Variants in PER3 observed in about 807,000 individuals in gnomAD.
PER3 encodes period circadian protein homolog 3.
In PER3, 107 loss-of-function variants were observed where a neutral mutation model predicts 127.2. That is an observed-to-expected ratio of 0.84 (90% CI 0.72 to 0.99). The LOEUF is 0.99. Among genes scored for constraint, PER3 ranks in the 50% least tolerant of loss-of-function variants. The pLI is 0.00. For missense variants in PER3, 1,560 were observed against 1,525.8 expected, an observed-to-expected ratio of 1.02 and a Z score of -0.37; for synonymous variants, 618 against 585.8, an observed-to-expected ratio of 1.05 and a Z score of -0.79.
At chr1:7,831,068 T>C (rs2097329440) in intron 19 of PER3, among the ~76,000 whole-genome samples, 1 of 152,248 alleles carries the variant, frequency 6.6e-6, no homozygotes. Flanking sequence ...TGAATAATTA[T>C]CTTCCTGATG....
intron 2 of PER3, 84 bp from the exon 3 acceptor site, chr1:7,785,357 A>T: frequency 1.8e-6 from 2 of 1,085,450 alleles, no homozygotes; most frequent in Non-Finnish European, 2.8e-6. Flanking sequence ...TTAGAAACTT[A>T]CCTGGCTTGC....
At chr1:7,815,991 CAAAAAAAAAAAAAA>C (rs34144861) in intron 13 of PER3, among the ~76,000 whole-genome samples, 1 of 67,680 alleles carries the variant, frequency 1.5e-5, no homozygotes, top group Non-Finnish European at 2.5e-5. Context: ...GACTCCGTCT[CAAAAAAAAAAAAAA>C]AAAAAAAAAA....
In PER3 at chr1:7,837,141, G is replaced by T; in HGVS notation, c.3541G>T (p.Asp1181Tyr). 1 of 1,613,052 alleles carries T rather than the reference G, an allele frequency of 6.2e-7. No homozygotes were observed. Among genetic ancestry groups the T allele is most frequent in the Non-Finnish European group, 8.5e-7 (1 of 1,179,604 alleles). Residue 1181 changes from aspartate to tyrosine, a missense_variant, in exon 21 of 22, where the codon GAC becomes TAC. Asp to Tyr is a radical substitution (Grantham distance 160, BLOSUM62 -3). Coordinates refer to ENST00000377532, the MANE Select transcript of PER3 (RefSeq NM_001377275.1). ...AAGCCAGACTGTCACTCAAGAAATC[G>T]ACATTCAAGTAAGCACAGTAATAAT... ...IQSQTVTQEI[D>Y]IQACVTCENE...
intron 12 of PER3, 148 bp downstream of exon 12, chr1:7,810,169 A>G: frequency 2.3e-6 from 2 of 853,862 alleles, no homozygotes; most frequent in Non-Finnish European, 3.7e-6. Flanking sequence ...TTGGAAAAAA[A>G]AGTCTGTAAA....
At chr1:7,786,905 C>A in intron 4 of PER3, 69 bp downstream of exon 4, 1 of 863,200 alleles carries the variant, frequency 1.2e-6, no homozygotes, top group Non-Finnish European at 2.0e-6. Flanking sequence ...TAGATGTAGG[C>A]TTTTAAGAAG....
At chr1:7,789,591 A>G (rs1294195740) in intron 5 of PER3, among the ~76,000 whole-genome samples, 1 of 152,222 alleles carries the variant, frequency 6.6e-6, no homozygotes, top group African/African-American at 2.4e-5. Flanking sequence ...TATCAGCAGC[A>G]TGCAAACGGA....
chr1:7,784,465 C>T (rs2097074558), intron 1 of PER3, 89 bp downstream of exon 1: 2 of 154,950 alleles, frequency 1.3e-5, no homozygotes, highest in East Asian at 1.9e-4. Flanking sequence ...GAGCCCTGCC[C>T]TCGGTACTGG....
At position 7,827,416 on chromosome 1, in the gene PER3, G is replaced by T. The variant is rs922298951; in HGVS notation, c.2487G>T (p.Pro829=). ...AATACGCAGCCCCCGGAACTGCACC[G>T]GAAGGCCTGCATGGGCTGCCCTTGT... is the stretch of plus-strand genomic sequence containing the variant. ...GREYAAPGTA[P]EGLHGLPLSE... The change falls in exon 18 of 22, where the codon CCG becomes CCT. Residue 829 remains proline (P), a synonymous_variant. Transcript: ENST00000377532. The T allele has an allele frequency of 6.2e-7, 1 of 1,614,168 alleles. No homozygotes were observed. The highest frequency in any genetic ancestry group is 1.1e-5 in the South Asian group (1 of 91,090).
In PER3 at chr1:7,788,907, G is replaced by GAA. The variant is rs56279930; in HGVS notation, c.592+677_592+678dup. Among the ~76,000 whole-genome samples the GAA allele has an allele frequency of 2.9e-3, 418 of 141,758 alleles. 2 individuals carry two copies. Among genetic ancestry groups the GAA allele is most frequent in the Middle Eastern group, 0.014 (4 of 278 alleles). The allele number at this position is 141,758 out of a possible 152,430, so 93.0% of individuals were successfully genotyped here. ...CGACAAGCGTGAAACTGTTTCTGGG[G>GAA]AAAAAAAAAAAAAAAAATTCAGATC... On this transcript the variant is annotated intron_variant, in intron 5 of 21. Transcript: ENST00000377532.
chr1:7,814,666 GATAAA>G (rs1558434476), intron 13 of PER3, among the ~76,000 whole-genome samples: 2 of 152,072 alleles, frequency 1.3e-5, no homozygotes, highest in South Asian at 2.1e-4. Flanking sequence ...AATAAATGAA[GATAAA>G]ATAAATTCTA....
chr1:7,833,840 T>C (rs1044217218), intron 19 of PER3, among the ~76,000 whole-genome samples: 44 of 152,138 alleles, frequency 2.9e-4, no homozygotes, highest in Non-Finnish European at 5.0e-4. Flanking sequence ...CCCTCCTCCT[T>C]TCGGGTTAAT....
intron 2 of PER3, 77 bp downstream of exon 2, chr1:7,785,082 C>G: frequency 1.4e-6 from 2 of 1,461,508 alleles, no homozygotes; most frequent in Non-Finnish European, 1.8e-6. Flanking sequence ...GGACCTAAAT[C>G]TTTTTATTCT....
At chr1:7,797,914 C>T (rs228685) in intron 6 of PER3, among the ~76,000 whole-genome samples, 11,327 of 152,194 alleles carry the variant, frequency 0.074, 523 homozygotes, top group Middle Eastern at 0.13. Flanking sequence ...CCTCCCCTGC[C>T]GAGAGGTTCT....
intron 16 of PER3, among the ~76,000 whole-genome samples, chr1:7,824,798 G>A (rs140192516): frequency 6.6e-6 from 1 of 152,290 alleles, no homozygotes; most frequent in East Asian, 1.9e-4. Flanking sequence ...TGATGCCTCA[G>A]GAGTTAGGAG....
intron 21 of PER3, among the ~76,000 whole-genome samples, chr1:7,841,248 G>A (rs545190940): frequency 3.9e-5 from 6 of 151,982 alleles, no homozygotes; most frequent in Non-Finnish European, 1.5e-5. Context: ...GGTCGCACAA[G>A]CTGGGGCTGT....
At chr1:7,794,711 G>A (rs1206755952) in intron 6 of PER3, among the ~76,000 whole-genome samples, 1 of 151,944 alleles carries the variant, frequency 6.6e-6, no homozygotes, top group African/African-American at 2.4e-5. Context: ...ATATTTGTGA[G>A]AAGGATTTAA....
At chr1:7,822,649 G>A (rs969028934) in intron 16 of PER3, among the ~76,000 whole-genome samples, 22 of 152,084 alleles carry the variant, frequency 1.4e-4, no homozygotes, top group African/African-American at 5.1e-4. Flanking sequence ...AAGAAGAGCA[G>A]GAAAGGAGGA....
rs376310642 is a variant in PER3 at position 7,794,513 on chromosome 1, TAATG to T, written c.644+506_644+509del. On this transcript the variant is annotated intron_variant, in intron 6 of 21. Transcript: ENST00000377532. Reference sequence around the variant, plus strand: ...TCTCAAAAAAAATAAAAATAAATAATAATGCGATAGGAAAAAAGTCTAGAAAAAT... The same window carrying T: ...TCTCAAAAAAAATAAAAATAAATAATCGATAGGAAAAAAGTCTAGAAAAAT... 3.5e-4 allele frequency among the ~76,000 whole-genome samples: 53 copies of T among 152,054 alleles called. No individual in the cohort carries two copies. The East Asian group carries it at 9.9e-3, about 28-fold the overall frequency.
intron 10 of PER3, among the ~76,000 whole-genome samples, chr1:7,806,196 T>C (rs531842897): frequency 2.0e-5 from 3 of 152,244 alleles, no homozygotes; most frequent in South Asian, 4.1e-4. Flanking sequence ...CAAGACTGTT[T>C]AGCAAGGGAC....
Sources: allele counts gnomAD v4.1 joint callset (sites outside exome capture counted in the v4.1 genomes callset), GRCh38; gene constraint gnomAD v4.1.1; transcripts MANE v1.5; gene names NCBI Gene and HGNC (gene_info 2026-07-23, HGNC 2026-07-21).